Variants in ABL1 observed in about 807,000 individuals in gnomAD.
ABL1 encodes tyrosine-protein kinase ABL1.
In ABL1, 11 loss-of-function variants were observed where a neutral mutation model predicts 94.7. The observed-to-expected ratio is 0.12, with a 90% CI of 0.07 to 0.19. ABL1 has a LOEUF of 0.19. Among genes scored for constraint, ABL1 ranks in the 10% least tolerant of loss-of-function variants. The pLI is 1.00. For synonymous variants in ABL1, 656 were observed against 622.4 expected, an observed-to-expected ratio of 1.05 and a Z score of -0.80; for missense variants, 1,082 against 1,489.4, an observed-to-expected ratio of 0.73 and a Z score of 4.50.
chr9:130,884,819 G>T lies in ABL1; in HGVS notation c.2529G>T (p.Gly843=). 6.2e-7 allele frequency: 1 copy of T among 1,605,692 alleles called. No individual in the cohort carries two copies. Residue 843 remains glycine, a synonymous_variant, in exon 11 of 11, where the codon GGG becomes GGT. Coordinates refer to ENST00000318560, the MANE Select transcript of ABL1 (RefSeq NM_005157.6). The surrounding 1 kb of genome is among the most constrained non-coding windows in gnomAD (Gnocchi z 5.6). The part of the protein sequence containing the change: ...KEEAGKGSAL[G]TPAAAEPVTP... ...AAGCTGGAAAGGGCAGTGCCTTAGGGACCCCTGCTGCAGCTGAGCCAGTGA... is the reference window on the plus strand; with the variant it reads ...AAGCTGGAAAGGGCAGTGCCTTAGGTACCCCTGCTGCAGCTGAGCCAGTGA...
chr9:130,725,623 G>A lies in ABL1; in HGVS notation c.136+11168G>A, dbSNP rs200388186. On this transcript the variant is annotated intron_variant, in intron 1 of 10. Transcript: ENST00000372348. ...TCGAACTCCTGACCTCAGGTGATCC[G>A]CCTGCCTAGGCCTCCCAAAGTGCGG... Among the ~76,000 whole-genome samples the A allele has an allele frequency of 4.6e-5, 7 of 151,610 alleles. No homozygotes were observed. The East Asian group carries it at 7.8e-4, about 17-fold the overall frequency.
At chr9:130,800,521 G>T (rs1830040602) in intron 1 of ABL1, among the ~76,000 whole-genome samples, 1 of 151,584 alleles carries the variant, frequency 6.6e-6, no homozygotes, top group African/African-American at 2.4e-5. Flanking sequence ...GTTTTCCTGT[G>T]CCTTTTTCCA....
intron 1 of ABL1, among the ~76,000 whole-genome samples, chr9:130,723,578 C>T (rs1292041321): frequency 1.3e-5 from 2 of 151,906 alleles, no homozygotes; most frequent in African/African-American, 2.4e-5. Context: ...AAACAAAAAA[C>T]AAACCTGCTT....
chr9:130,868,510 TTTTC>T (rs1482886529), intron 4 of ABL1, among the ~76,000 whole-genome samples: 4 of 142,758 alleles, frequency 2.8e-5, no homozygotes, highest in African/African-American at 9.0e-5. Flanking sequence ...GCCATTTCTT[TTTTC>T]TTTTTCTTTT....
intron 1 of ABL1, among the ~76,000 whole-genome samples, chr9:130,723,065 C>T (rs1005164006): frequency 2.0e-5 from 3 of 152,084 alleles, no homozygotes; most frequent in Admixed American, 6.6e-5. Flanking sequence ...AGGAATGTGT[C>T]GGGCATATTT....
intron 1 of ABL1, among the ~76,000 whole-genome samples, chr9:130,826,318 G>A (rs1020073727): frequency 5.9e-5 from 9 of 151,910 alleles, no homozygotes; most frequent in Non-Finnish European, 1.0e-4. Context: ...ATGGGGTTTC[G>A]CCATGTTGGC....
intron 1 of ABL1, among the ~76,000 whole-genome samples, chr9:130,716,023 T>TACACAC (rs1363488757): frequency 7.1e-6 from 1 of 140,780 alleles, no homozygotes; most frequent in African/African-American, 2.5e-5. Flanking sequence ...TAAATATATA[T>TACACAC]ATACACACAC....
intron 1 of ABL1, among the ~76,000 whole-genome samples, chr9:130,772,257 A>G (rs976282750): frequency 6.6e-6 from 1 of 152,196 alleles, no homozygotes; most frequent in African/African-American, 2.4e-5. Context: ...TCTTTGGTAG[A>G]GAGATATCTC....
In ABL1 at chr9:130,884,686, A is replaced by G. The variant is rs1438654125; in HGVS notation, c.2396A>G (p.Lys799Arg). 3 of 1,612,910 alleles carry G rather than the reference A, an allele frequency of 1.9e-6. No individual in the cohort carries two copies. The highest frequency in any genetic ancestry group is 2.5e-6 in the Non-Finnish European group (3 of 1,179,974). ...KNEEAADEVF[K>R]DIMESSPGSS... ...GAGGAAGCTGCTGATGAGGTCTTCA[A>G]AGACATCATGGAGTCCAGCCCGGGC... Residue 799 changes from lysine (K) to arginine (R), a missense_variant, in exon 11 of 11, where the codon AAA becomes AGA. Coordinates refer to ENST00000318560, the MANE Select transcript of ABL1 (RefSeq NM_005157.6). This position sits in a 1 kb window ranked among gnomAD's most constrained non-coding sequence, Gnocchi z 5.6.
Position 130,835,303 on chromosome 9 carries a change from G to T in ABL1, c.-144G>T. 5.8e-6 allele frequency: 1 copy of T among 171,786 alleles called. No homozygotes were observed. Among genetic ancestry groups the T allele is most frequent in the South Asian group, 1.7e-4 (1 of 5,912 alleles). The allele number at this position is 171,786 out of a possible 1,614,324, so 10.6% of individuals were successfully genotyped here. A position where few individuals can be genotyped will look rare whatever the true frequency, so the allele number is the denominator to read the frequency against. On this transcript the variant is annotated 5_prime_UTR_variant, in exon 1 of 11. Transcript: ENST00000318560. This position sits in a 1 kb window ranked among gnomAD's most constrained non-coding sequence, Gnocchi z 4.6. ...CGGAGACGCGGCCGCGGCCATGGGC[G>T]GGCGCGGGCGCGCGGGGCGGCGGTG...
rs1056164945 is a variant in ABL1 at position 130,814,748 on chromosome 9, G to A, written c.137-39316G>A. 6.6e-6 allele frequency among the ~76,000 whole-genome samples: 1 copy of A among 151,914 alleles called. No individual in the cohort carries two copies. Among genetic ancestry groups the A allele is most frequent in the Non-Finnish European group, 1.5e-5 (1 of 67,980 alleles). On this transcript the variant is annotated intron_variant, in intron 1 of 10. Transcript: ENST00000372348. This position sits in a 1 kb window ranked among gnomAD's most constrained non-coding sequence, Gnocchi z 4.4. ...AAAAATTCTCCGGGCGTGGTGGCGG[G>A]CGCCTGTAGTCCCAGCTACTCAGGA...
intron 1 of ABL1, among the ~76,000 whole-genome samples, chr9:130,721,044 T>C (rs924180133): frequency 6.6e-5 from 10 of 150,724 alleles, no homozygotes; most frequent in Non-Finnish European, 1.0e-4. Context: ...AAACCACTTA[T>C]GGTTCTCAAA....
intron 1 of ABL1, among the ~76,000 whole-genome samples, chr9:130,735,639 C>G (rs1226615759): frequency 2.0e-5 from 3 of 151,734 alleles, no homozygotes; most frequent in Non-Finnish European, 4.4e-5. Flanking sequence ...TGTATATCTT[C>G]CTTCTTTTTA....
At chr9:130,753,225 C>T (rs1831990489) in intron 1 of ABL1, among the ~76,000 whole-genome samples, 1 of 151,928 alleles carries the variant, frequency 6.6e-6, no homozygotes, top group South Asian at 2.1e-4. Flanking sequence ...CCACTGCACT[C>T]CAGCCTGGGC....
At chr9:130,808,247 C>CTTT (rs1177878253) in intron 1 of ABL1, among the ~76,000 whole-genome samples, 76 of 95,028 alleles carry the variant, frequency 8.0e-4, no homozygotes, top group African/African-American at 2.4e-3. Flanking sequence ...TCTTCTTCTT[C>CTTT]TTTTTTTTTT....
chr9:130,873,486 G>A (rs1831288808), intron 6 of ABL1, among the ~76,000 whole-genome samples: 1 of 152,180 alleles, frequency 6.6e-6, no homozygotes, highest in Non-Finnish European at 1.5e-5. Flanking sequence ...CCAGTACATG[G>A]CTTTTGTTTT....
chr9:130,726,011 G>A (rs1488644292), intron 1 of ABL1, among the ~76,000 whole-genome samples: 1 of 149,794 alleles, frequency 6.7e-6, no homozygotes, highest in African/African-American at 2.5e-5. Context: ...ACCACACCTG[G>A]CTAATTTAAA....
At chr9:130,842,927 G>A (rs984483682) in intron 1 of ABL1, among the ~76,000 whole-genome samples, 4 of 152,214 alleles carry the variant, frequency 2.6e-5, no homozygotes, top group African/African-American at 9.6e-5. Context: ...TCTTTTGAAA[G>A]CACAGAGAAC....
upstream of ABL1, among the ~76,000 whole-genome samples, chr9:130,830,405 G>T (rs1201876218): frequency 6.6e-6 from 1 of 152,218 alleles, no homozygotes; most frequent in Non-Finnish European, 1.5e-5. Context: ...AGATGCGGGG[G>T]TGTGGGGTTT....
Sources: gnomAD v4.1 joint callset for allele counts (sites outside exome capture counted in the v4.1 genomes callset) on GRCh38, gnomAD v4.1.1 for gene constraint, Gnocchi (gnomAD v3.1) non-coding constraint, MANE v1.5 for transcripts, NCBI Gene and HGNC (gene_info 2026-07-23, HGNC 2026-07-21) for gene names.